TLE1: variants seen among roughly 807,000 people sequenced by gnomAD.
The protein encoded by TLE1 is transducin-like enhancer protein 1.
TLE1 carries 21 observed loss-of-function variants against 89.8 expected under a neutral mutation model. That is an observed-to-expected ratio of 0.23 (90% CI 0.17 to 0.34). The LOEUF (loss-of-function observed/expected upper bound fraction) is 0.34, where lower values mean the gene tolerates loss of function less well. Ranked by LOEUF, TLE1 falls within the 10% of genes least tolerant of loss-of-function variation. TLE1 has a pLI of 1.00. For synonymous variants in TLE1, 447 were observed against 407.6 expected, an observed-to-expected ratio of 1.10 and a Z score of -1.16; for missense variants, 795 against 1,031.2, an observed-to-expected ratio of 0.77 and a Z score of 3.14.
chr9:81,605,768 T>C (rs1304122846), intron 14 of TLE1, among the ~76,000 whole-genome samples: 1 of 148,544 alleles, frequency 6.7e-6, no homozygotes, highest in African/African-American at 2.5e-5. Flanking sequence ...AATAGACAAA[T>C]GGGATCTAAT....
In TLE1 at chr9:81,637,733, G is replaced by A. The variant is rs535032217; in HGVS notation, c.373-3432C>T. Among the ~76,000 whole-genome samples the A allele has an allele frequency of 9.3e-5, 14 of 150,406 alleles. 1 individual carries two copies. Among genetic ancestry groups the A allele is most frequent in the African/African-American group, 2.0e-4 (8 of 40,868 alleles). On this transcript the variant is annotated intron_variant, in intron 6 of 19. Transcript: ENST00000376499. ...ATGGATCACAACTGCTGAAGATGTC[G>A]TGATTCTAGGAAATGTGGCCATTCC... is the stretch of plus-strand genomic sequence containing the variant.
At chr9:81,686,502 T>C (rs546426350) in intron 2 of TLE1, among the ~76,000 whole-genome samples, 3 of 152,288 alleles carry the variant, frequency 2.0e-5, no homozygotes, top group Admixed American at 1.3e-4. Context: ...AGGTCAATAA[T>C]GAGAAAGCCC....
intron 4 of TLE1, among the ~76,000 whole-genome samples, chr9:81,660,657 T>G (rs1044726893): frequency 1.3e-5 from 2 of 151,072 alleles, no homozygotes; most frequent in African/African-American, 4.9e-5. Flanking sequence ...ACCTCGTGAT[T>G]CGCCGGTCTC....
intron 16 of TLE1, among the ~76,000 whole-genome samples, chr9:81,590,593 A>G (rs1310002798): frequency 6.6e-6 from 1 of 152,226 alleles, no homozygotes; most frequent in Non-Finnish European, 1.5e-5. Context: ...TTAAGGAGAT[A>G]GAAAGTCTCG....
intron 8 of TLE1, among the ~76,000 whole-genome samples, chr9:81,625,821 G>C (rs1825825025): frequency 7.1e-6 from 1 of 140,206 alleles, no homozygotes; most frequent in African/African-American, 2.7e-5. Flanking sequence ...TTATAGTCTT[G>C]TTCCAAGAAT....
intron 14 of TLE1, among the ~76,000 whole-genome samples, chr9:81,608,912 C>T (rs1302768444): frequency 6.7e-6 from 1 of 149,846 alleles, no homozygotes; most frequent in East Asian, 2.0e-4. Context: ...ACTCCAGCCT[C>T]GGCAACGAGT....
chr9:81,600,430 GCTCA>G (rs1830758547), intron 14 of TLE1, among the ~76,000 whole-genome samples: 1 of 152,042 alleles, frequency 6.6e-6, no homozygotes, highest in African/African-American at 2.4e-5. Flanking sequence ...GATCCCCTGA[GCTCA>G]GGAGTTTGAG....
intron 12 of TLE1, among the ~76,000 whole-genome samples, chr9:81,612,846 T>A (rs551286290): frequency 1.3e-5 from 2 of 152,238 alleles, no homozygotes; most frequent in Non-Finnish European, 2.9e-5. Flanking sequence ...TCACCTGAGG[T>A]CAGGAGTTTG....
intron 5 of TLE1, 152 bp from the exon 6 acceptor site, chr9:81,652,440 CATAG>C (rs1161832325): frequency 1.0e-5 from 6 of 600,730 alleles, no homozygotes; most frequent in Admixed American, 5.8e-5. Context: ...TTTCACAGAA[CATAG>C]ATAGGGAAAG....
intron 18 of TLE1, among the ~76,000 whole-genome samples, chr9:81,585,212 G>A (rs978561717): frequency 2.6e-5 from 4 of 151,510 alleles, no homozygotes; most frequent in South Asian, 2.1e-4. Flanking sequence ...ATAAATTCCC[G>A]CCCACCCCTC....
chr9:81,672,559 G>A (rs1470513089), intron 4 of TLE1, among the ~76,000 whole-genome samples: 2 of 151,380 alleles, frequency 1.3e-5, no homozygotes, highest in Non-Finnish European at 2.9e-5. Context: ...AGTAGACGAA[G>A]AAAGACAGCA....
At chr9:81,668,147 G>A (rs958881464) in intron 4 of TLE1, among the ~76,000 whole-genome samples, 40 of 147,298 alleles carry the variant, frequency 2.7e-4, no homozygotes, top group African/African-American at 7.4e-4. Flanking sequence ...CAGCCTGGGC[G>A]ACAGAACAAG....
intron 14 of TLE1, among the ~76,000 whole-genome samples, chr9:81,603,012 C>G (rs182166181): frequency 6.6e-6 from 1 of 152,020 alleles, no homozygotes; most frequent in Admixed American, 6.6e-5. Flanking sequence ...ATCTTAACAC[C>G]GGAAACAGGA....
chr9:81,622,725 G>C (rs924315050), intron 8 of TLE1, among the ~76,000 whole-genome samples: 1 of 152,112 alleles, frequency 6.6e-6, no homozygotes, highest in Non-Finnish European at 1.5e-5. Context: ...TAGCACCCCT[G>C]CTTATCTGAA....
At chr9:81,598,368 C>A (rs1375102700) in intron 14 of TLE1, among the ~76,000 whole-genome samples, 2 of 152,182 alleles carry the variant, frequency 1.3e-5, no homozygotes, top group Non-Finnish European at 2.9e-5. Context: ...TCCTCCCTCC[C>A]TCTGCCTGCC....
chr9:81,594,351 T>TA (rs35440521), intron 14 of TLE1, among the ~76,000 whole-genome samples: 144 of 151,454 alleles, frequency 9.5e-4, no homozygotes, highest in Middle Eastern at 3.4e-3. Context: ...TATGCAGCCA[T>TA]AAAAAAAAGG....
chr9:81,585,137 C>G (rs965485977), intron 18 of TLE1, among the ~76,000 whole-genome samples: 1 of 152,176 alleles, frequency 6.6e-6, no homozygotes, highest in South Asian at 2.1e-4. Flanking sequence ...ATCGACTTCT[C>G]TAACCCTGGA....
At chr9:81,657,697 C>T (rs1472467205) in intron 4 of TLE1, among the ~76,000 whole-genome samples, 1 of 151,752 alleles carries the variant, frequency 6.6e-6, no homozygotes, top group Non-Finnish European at 1.5e-5. Context: ...TCAGAATCCC[C>T]CATGGAAACC....
At position 81,609,940 on chromosome 9, in the gene TLE1, C is replaced by T. The variant is rs182723853; in HGVS notation, c.1331+280G>A. Among the ~76,000 whole-genome samples, 4 of 152,288 alleles carry T rather than the reference C, an allele frequency of 2.6e-5. No homozygotes were observed. In the East Asian group the frequency reaches 7.7e-4, roughly 29 times the overall value. ...CAGAGCAGCTTTCTGAGGGGTCAGG[C>T]GAAGAGGGCCAGCCACCTCCAGCTC... On this transcript the variant is annotated intron_variant, in intron 14 of 19. Coordinates refer to ENST00000376499, the MANE Select transcript of TLE1 (RefSeq NM_005077.5).
Sources: gnomAD v4.1 joint callset for allele counts (sites outside exome capture counted in the v4.1 genomes callset) on GRCh38, gnomAD v4.1.1 for gene constraint, MANE v1.5 for transcripts, NCBI Gene and HGNC (gene_info 2026-07-23, HGNC 2026-07-21) for gene names.